AR: variants seen among roughly 807,000 people sequenced by gnomAD.
AR encodes the protein dihydrotestosterone receptor.
AR carries 8 observed loss-of-function variants against 53.9 expected under a neutral mutation model. The observed-to-expected ratio is 0.15, with a 90% CI of 0.09 to 0.27. The LOEUF (loss-of-function observed/expected upper bound fraction) is 0.27, where lower values mean the gene tolerates loss of function less well. Ranked by LOEUF, AR falls within the 10% of genes least tolerant of loss-of-function variation. AR has a pLI of 1.00. For missense variants in AR, 639 were observed against 742.5 expected (o/e 0.86, Z 1.62); for synonymous variants, 359 against 316.4 (o/e 1.13, Z -1.43).
At chrX:67,637,972 C>T (rs1285970107) in intron 1 of AR, among the ~76,000 whole-genome samples, 1 of 110,922 alleles carries the variant, frequency 9.0e-6, no homozygotes. Flanking sequence ...CTATTCCCTC[C>T]CTTGCCCCTC....
chrX:67,602,747 A>G (rs1923434035), intron 1 of AR, among the ~76,000 whole-genome samples: 1 of 111,441 alleles, frequency 9.0e-6, no homozygotes, highest in Admixed American at 9.6e-5. Context: ...AGCCTGATTG[A>G]CACCTTGATT....
chrX:67,702,454 A>G (rs2076046648), intron 3 of AR, among the ~76,000 whole-genome samples: 2 of 111,841 alleles, frequency 1.8e-5, no homozygotes, highest in Admixed American at 1.9e-4. Flanking sequence ...ACTCAAGAAG[A>G]TGGTCTTGGC....
At chrX:67,677,721 G>C (rs1480218355) in intron 2 of AR, among the ~76,000 whole-genome samples, 1 of 111,200 alleles carries the variant, frequency 9.0e-6, no homozygotes, top group Non-Finnish European at 1.9e-5. Context: ...CCTGAGTTTT[G>C]GTTCCATCTC....
At chrX:67,665,064 T>C (rs112169015) in intron 2 of AR, among the ~76,000 whole-genome samples, 7,857 of 112,970 alleles carry the variant, frequency 0.07, 672 homozygotes, top group African/African-American at 0.24. Flanking sequence ...TTGTGCTTCC[T>C]GGGTGAGGCG....
chrX:67,552,168 C>G (rs1207730715), intron 1 of AR, among the ~76,000 whole-genome samples: 1 of 111,787 alleles, frequency 8.9e-6, no homozygotes, highest in Non-Finnish European at 1.9e-5. Flanking sequence ...ACCCTATGCA[C>G]CTTTGTGTTC....
intron 5 of AR, among the ~76,000 whole-genome samples, chrX:67,719,364 G>A (rs1251260834): frequency 8.9e-6 from 1 of 112,108 alleles, no homozygotes. Context: ...CTTCCCCAGA[G>A]CCCTGAGACC....
chrX:67,721,026 G>A (rs916928274), intron 5 of AR, among the ~76,000 whole-genome samples: 3 of 111,400 alleles, frequency 2.7e-5, no homozygotes, highest in Admixed American at 9.5e-5. Flanking sequence ...TGAAAAGCTG[G>A]CCAAGCATTG....
chrX:67,563,216 G>C (rs756327555), intron 1 of AR, among the ~76,000 whole-genome samples: 1 of 111,631 alleles, frequency 9.0e-6, no homozygotes, highest in South Asian at 3.8e-4. Context: ...GGGCCTTCGG[G>C]AAAGAAGCTG....
intron 1 of AR, among the ~76,000 whole-genome samples, chrX:67,611,749 C>CT (rs1923892582): frequency 9.0e-6 from 1 of 111,016 alleles, no homozygotes; most frequent in African/African-American, 3.3e-5. Flanking sequence ...TTCTTCATAC[C>CT]TTTTTAATTT....
intron 1 of AR, among the ~76,000 whole-genome samples, chrX:67,594,513 G>T (rs192520180): frequency 2.7e-5 from 3 of 112,113 alleles, no homozygotes; most frequent in Non-Finnish European, 5.6e-5. Context: ...AAAAACCTTT[G>T]TAATGATAGC....
chrX:67,691,521 G>A (rs772278056), intron 3 of AR, among the ~76,000 whole-genome samples: 2 of 111,823 alleles, frequency 1.8e-5, no homozygotes, highest in Non-Finnish European at 3.8e-5. Flanking sequence ...TGTAACTCAG[G>A]ATTCCCGAAG....
chrX:67,591,625 A>T (rs1477569472), intron 1 of AR, among the ~76,000 whole-genome samples: 3 of 111,527 alleles, frequency 2.7e-5, no homozygotes, highest in African/African-American at 9.8e-5. Flanking sequence ...AATTCTGATG[A>T]TACATTTCTG....
At chrX:67,642,613 G>T (rs972690118) in intron 1 of AR, among the ~76,000 whole-genome samples, 1 of 111,261 alleles carries the variant, frequency 9.0e-6, no homozygotes, top group African/African-American at 3.3e-5. Context: ...GGATGTCCAT[G>T]TGATCTATAG....
intron 4 of AR, among the ~76,000 whole-genome samples, chrX:67,712,643 CTT>C (rs1456950426): frequency 8.9e-6 from 1 of 112,292 alleles, no homozygotes; most frequent in Non-Finnish European, 1.9e-5. Context: ...AGTTCAGCCT[CTT>C]TCTCTCTATC....
At chrX:67,719,342 C>A (rs759551830) in intron 5 of AR, among the ~76,000 whole-genome samples, 1 of 112,288 alleles carries the variant, frequency 8.9e-6, no homozygotes, top group African/African-American at 3.2e-5. Context: ...ACTCCATGAG[C>A]ACCTGCTCTA....
chrX:67,715,472 T>C (rs2076109445), intron 4 of AR, among the ~76,000 whole-genome samples: 1 of 110,494 alleles, frequency 9.1e-6, no homozygotes, highest in South Asian at 3.9e-4. Context: ...AACAGGGAAA[T>C]GGGGCTATAT....
intron 1 of AR, among the ~76,000 whole-genome samples, chrX:67,641,658 G>A (rs746764141): frequency 2.7e-5 from 3 of 111,298 alleles, no homozygotes; most frequent in Non-Finnish European, 5.7e-5. Context: ...GGCTTGTGGG[G>A]AATGAAGATA....
intron 1 of AR, among the ~76,000 whole-genome samples, chrX:67,556,006 T>G (rs193040316): frequency 1.8e-5 from 2 of 112,688 alleles, no homozygotes; most frequent in Admixed American, 9.4e-5. Flanking sequence ...TTTAATACCT[T>G]TCTTTGCATA....
intron 1 of AR, among the ~76,000 whole-genome samples, chrX:67,553,512 T>C (rs968735861): frequency 8.9e-6 from 1 of 112,147 alleles, no homozygotes; most frequent in East Asian, 2.8e-4. Flanking sequence ...GGTCTTCTTT[T>C]TCAAGATTGC....
Sources: allele counts gnomAD v4.1 joint callset (sites outside exome capture counted in the v4.1 genomes callset), GRCh38; gene constraint gnomAD v4.1.1; transcripts MANE v1.5; gene names NCBI Gene and HGNC (gene_info 2026-07-23, HGNC 2026-07-21).